Variants in PCSK5 observed in about 807,000 individuals in gnomAD.
PCSK5 encodes the protein prohormone convertase 5.
PCSK5 carries 129 observed loss-of-function variants against 233.2 expected under a neutral mutation model. The ratio of observed to expected loss-of-function variants is 0.55; its 90% CI spans 0.48 to 0.64. The LOEUF (loss-of-function observed/expected upper bound fraction) is 0.64, where lower values mean the gene tolerates loss of function less well. Among genes scored for constraint, PCSK5 ranks in the 30% least tolerant of loss-of-function variants. The pLI is 0.00. For missense variants in PCSK5, 2,076 were observed against 2,430.1 expected (o/e 0.85, Z 3.06); for synonymous variants, 825 against 879.2 (o/e 0.94, Z 1.09).
chr9:76,144,778 C>T (rs1397227058), intron 10 of PCSK5, among the ~76,000 whole-genome samples: 1 of 152,212 alleles, frequency 6.6e-6, no homozygotes, highest in Non-Finnish European at 1.5e-5. Flanking sequence ...TTGATACCCA[C>T]AGAACCTGTT....
At chr9:75,890,104 T>C (rs1273556675), upstream of PCSK5, among the ~76,000 whole-genome samples, 1 of 152,186 alleles carries the variant, frequency 6.6e-6, no homozygotes, top group Non-Finnish European at 1.5e-5. Flanking sequence ...ATCGCAGATT[T>C]CGAAAGTGAG....
intron 12 of PCSK5, 151 bp downstream of exon 12, chr9:76,159,322 A>C: frequency 1.5e-6 from 1 of 649,102 alleles, no homozygotes; most frequent in East Asian, 2.8e-5. Flanking sequence ...ATAAGTAGAG[A>C]GTGTGAAGCT....
At chr9:76,096,434 G>T (rs958751063) in intron 8 of PCSK5, among the ~76,000 whole-genome samples, 4 of 152,096 alleles carry the variant, frequency 2.6e-5, no homozygotes, top group African/African-American at 9.7e-5. Flanking sequence ...ACTCAGTCCT[G>T]TACTCCTATC....
rs764960714 is a variant in PCSK5, at chr9:76,193,389, T to C, written c.2626+3643T>C. ...AGATTTCTTTGTTCCTGTAGACTTA[T>C]AGATTATTCCATATTATTAAAAAGA... On this transcript the variant is annotated intron_variant, in intron 20 of 37. Coordinates refer to ENST00000674117, the MANE Select transcript of PCSK5 (RefSeq NM_001372043.1). 15 of 1,506,684 alleles carry C rather than the reference T, an allele frequency of 1.0e-5. No individual in the cohort carries two copies. The Admixed American group carries it at 1.1e-4, about 11-fold the overall frequency. The allele number at this position is 1,506,684 out of a possible 1,614,324, so 93.3% of individuals were successfully genotyped here. A position where few individuals can be genotyped will look rare whatever the true frequency, so the allele number is the denominator to read the frequency against.
chr9:76,283,706 C>A (rs1006992904), intron 24 of PCSK5, among the ~76,000 whole-genome samples: 11 of 152,092 alleles, frequency 7.2e-5, no homozygotes, highest in African/African-American at 2.7e-4. Flanking sequence ...TAAGGCATAA[C>A]CAATGATTAT....
chr9:75,916,048 G>T (rs1051459474), intron 1 of PCSK5, among the ~76,000 whole-genome samples: 1 of 152,144 alleles, frequency 6.6e-6, no homozygotes, highest in Non-Finnish European at 1.5e-5. Context: ...TGAGATAAAG[G>T]TCAGTGGACT....
intron 10 of PCSK5, among the ~76,000 whole-genome samples, chr9:76,142,074 C>T (rs989423187): frequency 6.6e-6 from 1 of 151,768 alleles, no homozygotes; most frequent in Admixed American, 6.6e-5. Flanking sequence ...CAACACAGCC[C>T]CATGACATGA....
chr9:76,102,938 T>C (rs965594015), intron 8 of PCSK5, among the ~76,000 whole-genome samples: 15 of 152,206 alleles, frequency 9.9e-5, no homozygotes, highest in African/African-American at 3.6e-4. Flanking sequence ...GATACAAAAG[T>C]GATGTAACAT....
At chr9:76,056,388 T>C (rs1244125876) in intron 5 of PCSK5, among the ~76,000 whole-genome samples, 1 of 152,082 alleles carries the variant, frequency 6.6e-6, no homozygotes, top group Non-Finnish European at 1.5e-5. Flanking sequence ...AAAAAAGTTC[T>C]CAAAGCCGTG....
chr9:76,289,507 A>ACG (rs1179392113), intron 24 of PCSK5, among the ~76,000 whole-genome samples: 15 of 117,848 alleles, frequency 1.3e-4, no homozygotes, highest in African/African-American at 4.9e-4. Flanking sequence ...ACACACACAC[A>ACG]CACGCAACAT....
chr9:76,139,047 C>A (rs1050937720), intron 10 of PCSK5, among the ~76,000 whole-genome samples: 1 of 151,992 alleles, frequency 6.6e-6, no homozygotes, highest in Non-Finnish European at 1.5e-5. Flanking sequence ...TCTTAGCCTC[C>A]GAGGCCTTAA....
chr9:76,322,507 T>C (rs546365889), intron 31 of PCSK5, among the ~76,000 whole-genome samples: 2 of 152,178 alleles, frequency 1.3e-5, no homozygotes, highest in Non-Finnish European at 2.9e-5. Context: ...AAGTATTCTC[T>C]TGGTGTGACC....
At position 76,282,808 on chromosome 9, in the gene PCSK5, G is replaced by A. The variant is rs569771764; in HGVS notation, c.3143-9425G>A. On this transcript the variant is annotated intron_variant, in intron 24 of 37. Transcript: ENST00000674117. ...ATAGTAGTCCCCAGTGTCTGTTCTC[G>A]TCTTCATGTCCATGGGATTCACCAT... 3.9e-5 allele frequency among the ~76,000 whole-genome samples: 6 copies of A among 152,152 alleles called. No individual in the cohort carries two copies. In the South Asian group the frequency reaches 6.3e-4, roughly 16 times the overall value.
At chr9:76,233,166 C>T (rs1490935978) in intron 21 of PCSK5, among the ~76,000 whole-genome samples, 1 of 152,174 alleles carries the variant, frequency 6.6e-6, no homozygotes, top group East Asian at 1.9e-4. Context: ...TGGTTGGGGC[C>T]TATAATCTGG....
In PCSK5 at chr9:76,351,737, A is replaced by AT. The variant is rs71372070; in HGVS notation, c.5067+823dup. Among the ~76,000 whole-genome samples the AT allele has an allele frequency of 9.8e-3, 1,414 of 144,218 alleles. 27 individuals are homozygous for AT. Among genetic ancestry groups the AT allele is most frequent in the African/African-American group, 0.031 (1,203 of 39,330 alleles). The allele number at this position is 144,218 out of a possible 152,430, so 94.6% of individuals were successfully genotyped here. ...TGCCATGGATTTTCTGAAACCATGAATTTTTTTTTTTTTTCTTTGAGACAG... is the reference window on the plus strand; with the variant it reads ...TGCCATGGATTTTCTGAAACCATGAATTTTTTTTTTTTTTTCTTTGAGACAG... On this transcript the variant is annotated intron_variant, in intron 36 of 37. Transcript: ENST00000674117.
At chr9:76,092,268 G>A (rs1831328069) in intron 7 of PCSK5, among the ~76,000 whole-genome samples, 2 of 152,158 alleles carry the variant, frequency 1.3e-5, no homozygotes, top group Non-Finnish European at 2.9e-5. Context: ...GGAGACATGG[G>A]GGATTTGGCC....
intron 34 of PCSK5, among the ~76,000 whole-genome samples, chr9:76,333,498 C>T (rs1341812725): frequency 1.1e-4 from 16 of 152,184 alleles, no homozygotes; most frequent in African/African-American, 2.9e-4. Context: ...CGTAGACACA[C>T]GCACTTGATG....
chr9:76,103,896 G>T (rs1462306730), intron 8 of PCSK5, among the ~76,000 whole-genome samples: 2 of 152,170 alleles, frequency 1.3e-5, no homozygotes, highest in Non-Finnish European at 1.5e-5. Context: ...TGTGCCATCA[G>T]GATTTAAACC....
At chr9:75,903,589 A>ATATATATTATATATATATAATATATATAT (rs201890432) in intron 1 of PCSK5, among the ~76,000 whole-genome samples, 36 of 128,728 alleles carry the variant, frequency 2.8e-4, no homozygotes, top group African/African-American at 1.1e-3. Context: ...TATATATATA[A>ATATATATTATATATATATAATATATATAT]AATATATATT....
Sources: gnomAD v4.1 joint callset for allele counts (sites outside exome capture counted in the v4.1 genomes callset) on GRCh38, gnomAD v4.1.1 for gene constraint, MANE v1.5 for transcripts, NCBI Gene and HGNC (gene_info 2026-07-23, HGNC 2026-07-21) for gene names.